UMODL1: variants seen among roughly 807,000 people sequenced by gnomAD.
UMODL1 encodes the protein uromodulin-like 1.
A neutral mutation model predicts 136.3 loss-of-function variants in UMODL1; 128 were observed. That is an observed-to-expected ratio of 0.94 (90% CI 0.81 to 1.09). UMODL1 has a LOEUF of 1.09. UMODL1 is among the 50% of genes least tolerant of loss of function. The pLI, the probability that UMODL1 is intolerant of heterozygous loss-of-function variation, is 0.00. For missense variants in UMODL1, 1,766 were observed against 1,725.6 expected (o/e 1.02, Z -0.41); for synonymous variants, 721 against 720.0 (o/e 1.00, Z -0.02).
chr21:42,111,432 C>G, intron 11 of UMODL1, 74 bp from the exon 12 acceptor site: 1 of 1,613,770 alleles, frequency 6.2e-7, no homozygotes, highest in Non-Finnish European at 8.5e-7. Flanking sequence ...ACCACCTCCT[C>G]CCCGAAGGCT....
chr21:42,111,986 A>G (rs759216870), intron 12 of UMODL1, among the ~76,000 whole-genome samples: 4 of 152,052 alleles, frequency 2.6e-5, no homozygotes, highest in Non-Finnish European at 5.9e-5. Context: ...TGCCTTCAGG[A>G]GCAGGCTTTG....
At position 42,091,156 on chromosome 21, in the gene UMODL1, G is replaced by A. The variant is rs796374124; in HGVS notation, c.931+718G>A. On this transcript the variant is annotated intron_variant, in intron 6 of 22. Transcript: ENST00000408910. Reference sequence around the variant, plus strand: ...TGGCTTAGGAAATGTTGATTTAGGTGCTATTCACTGTGCTAGGTGCTGGTA... The same window carrying A: ...TGGCTTAGGAAATGTTGATTTAGGTACTATTCACTGTGCTAGGTGCTGGTA... 5.9e-5 allele frequency among the ~76,000 whole-genome samples: 9 copies of A among 152,314 alleles called. 1 individual carries two copies. The highest frequency in any genetic ancestry group is 1.9e-4 in the East Asian group (1 of 5,180).
At chr21:42,133,927 T>TGTTTC (rs1284077598) in intron 21 of UMODL1, among the ~76,000 whole-genome samples, 1 of 151,296 alleles carries the variant, frequency 6.6e-6, no homozygotes, top group East Asian at 1.9e-4. Context: ...TGTTTCGTTT[T>TGTTTC]GTTTTGTTTG....
intron 9 of UMODL1, among the ~76,000 whole-genome samples, chr21:42,106,819 C>T (rs1222121356): frequency 6.6e-6 from 1 of 152,242 alleles, no homozygotes; most frequent in Non-Finnish European, 1.5e-5. Flanking sequence ...AAATGACTTC[C>T]TCTCCCTGGG....
intron 2 of UMODL1, among the ~76,000 whole-genome samples, chr21:42,081,747 T>G (rs752988300): frequency 6.6e-6 from 1 of 152,324 alleles, no homozygotes; most frequent in Non-Finnish European, 1.5e-5. Flanking sequence ...CTCTCGGGAC[T>G]ACTTGTCCTA....
chr21:42,074,756 G>A (rs943617890), intron 1 of UMODL1, among the ~76,000 whole-genome samples: 55 of 152,136 alleles, frequency 3.6e-4, no homozygotes, highest in African/African-American at 1.2e-3. Context: ...ATGGAGTCTC[G>A]CTCTGTCACC....
In UMODL1 at chr21:42,103,907, C is replaced by G. The variant is rs776622476; in HGVS notation, c.1339C>G (p.Arg447Gly). 1 of 1,613,972 alleles carries G rather than the reference C, an allele frequency of 6.2e-7. No homozygotes were observed. The highest frequency in any genetic ancestry group is 1.7e-5 in the Admixed American group (1 of 59,998). Residue 447 changes from arginine to glycine, a missense_variant, in exon 9 of 23, where the codon CGA (arginine) becomes GGA (glycine). Transcript: ENST00000408910. ...CCCACCAGTGGTGTCTGACTTGTACCGAAGTGGGAAGCTGAGAATGCAGAT... is the reference window on the plus strand; with the variant it reads ...CCCACCAGTGGTGTCTGACTTGTACGGAAGTGGGAAGCTGAGAATGCAGAT... ...SFPPVVSDLY[R>G]SGKLRMQIVS...
chr21:42,091,798 G>A (rs1020435891), intron 6 of UMODL1, among the ~76,000 whole-genome samples: 6 of 152,230 alleles, frequency 3.9e-5, no homozygotes, highest in African/African-American at 1.4e-4. Flanking sequence ...TGGACGCGTG[G>A]TGCTGGAGCA....
upstream of UMODL1, among the ~76,000 whole-genome samples, chr21:42,070,939 C>T (rs749832048): frequency 5.3e-5 from 8 of 152,200 alleles, no homozygotes; most frequent in Non-Finnish European, 8.8e-5. Context: ...AGAGAATACT[C>T]CGTGTTGATG....
intron 4 of UMODL1, among the ~76,000 whole-genome samples, chr21:42,088,088 CT>C (rs1478148472): frequency 6.6e-6 from 1 of 152,218 alleles, no homozygotes; most frequent in Non-Finnish European, 1.5e-5. Flanking sequence ...CTTATCACAA[CT>C]GGTACTGAAA....
chr21:42,073,313 A>C (rs2066252955), intron 1 of UMODL1, among the ~76,000 whole-genome samples: 1 of 152,186 alleles, frequency 6.6e-6, no homozygotes, highest in Non-Finnish European at 1.5e-5. Context: ...TTCTTCATGC[A>C]AGTCACCTCT....
At position 42,129,737 on chromosome 21, in the gene UMODL1, C is replaced by G; in HGVS notation, c.3715C>G (p.Gln1239Glu). ...GAATTGCAATAACTTTCGGTTGCTGCAAAATAGTGAAACCTCTGCCACACA... is the reference window on the plus strand; with the variant it reads ...GAATTGCAATAACTTTCGGTTGCTGGAAAATAGTGAAACCTCTGCCACACA... The part of the protein sequence containing the change: ...KINCNNFRLL[Q>E]NSETSATHQM... The change falls in exon 21 of 23, where the codon CAA (glutamine) becomes GAA (glutamate). Residue 1239 changes from glutamine to glutamate, a missense_variant. Gln to Glu is a conservative substitution (Grantham distance 29). Transcript: ENST00000408910. The G allele has an allele frequency of 6.3e-7, 1 of 1,584,690 alleles. No homozygotes were observed. Among genetic ancestry groups the G allele is most frequent in the Non-Finnish European group, 8.6e-7 (1 of 1,169,516 alleles).
In UMODL1 at chr21:42,099,840, C is replaced by A. The variant is rs1051168474; in HGVS notation, c.1186+660C>A. Among the ~76,000 whole-genome samples the A allele has an allele frequency of 6.6e-6, 1 of 152,158 alleles. No homozygotes were observed. The highest frequency in any genetic ancestry group is 2.4e-5 in the African/African-American group (1 of 41,422). ...GGACCACAGGCACACACCACCACACCAGGCTAAATTTTTTATTTTTCATAA... is the reference window on the plus strand; with the variant it reads ...GGACCACAGGCACACACCACCACACAAGGCTAAATTTTTTATTTTTCATAA... On this transcript the variant is annotated intron_variant, in intron 7 of 22. Coordinates refer to ENST00000408910, the MANE Select transcript of UMODL1 (RefSeq NM_001004416.3). The surrounding 1 kb of genome is among the most constrained non-coding windows in gnomAD (Gnocchi z 4.1).
Position 42,129,810 on chromosome 21 carries a change from C to G in UMODL1, c.3775+13C>G. 1 of 1,551,150 alleles carries G rather than the reference C, an allele frequency of 6.4e-7. No individual in the cohort carries two copies. The highest frequency in any genetic ancestry group is 8.7e-7 in the Non-Finnish European group (1 of 1,154,330). ...ATCCGGTCTGAAGGTGAGTTGATGA[C>G]TTGGTTTAGACAATGAAAGAAAAGA... On this transcript the variant is annotated intron_variant, in intron 21 of 22. Transcript: ENST00000408910.
intron 20 of UMODL1, among the ~76,000 whole-genome samples, chr21:42,128,701 C>T (rs1487668346): frequency 2.0e-5 from 3 of 152,210 alleles, no homozygotes; most frequent in Non-Finnish European, 4.4e-5. Context: ...TCCACTGGAG[C>T]CTCAGAGATG....
At chr21:42,116,172 C>CAAAAAA (rs56162491) in intron 14 of UMODL1, among the ~76,000 whole-genome samples, 187 bp downstream of exon 14, 20 of 75,040 alleles carry the variant, frequency 2.7e-4, no homozygotes, top group Admixed American at 1.1e-3. Context: ...CCATCTCCAC[C>CAAAAAA]AAAAAAAAAA....
rs55726630 is a variant in UMODL1, at chr21:42,138,578, A to AT, written c.*21+951dup. Among the ~76,000 whole-genome samples the AT allele has an allele frequency of 1.4e-3, 211 of 146,560 alleles. 1 individual carries two copies. Among genetic ancestry groups the AT allele is most frequent in the African/African-American group, 1.7e-3 (67 of 40,048 alleles). ...CTGGGACTTTTGTAAAGATTTTCAG[A>AT]TTTTTTTTTTTTTTGAGATGGAGTT... On this transcript the variant is annotated intron_variant, in intron 22 of 22. Coordinates refer to ENST00000408910, the MANE Select transcript of UMODL1 (RefSeq NM_001004416.3).
intron 9 of UMODL1, among the ~76,000 whole-genome samples, chr21:42,109,124 AC>A (rs66691811): frequency 0.24 from 21,075 of 88,770 alleles, 4,804 homozygotes; most frequent in African/African-American, 0.32. Context: ...ACTCCGCTGG[AC>A]CCCCACCCCC....
chr21:42,081,608 G>T (rs1486157525), intron 2 of UMODL1, among the ~76,000 whole-genome samples: 2 of 152,106 alleles, frequency 1.3e-5, no homozygotes, highest in African/African-American at 4.8e-5. Flanking sequence ...GCCAGTTTTG[G>T]GGGGATTGTT....
Sources: gnomAD v4.1 joint callset for allele counts (sites outside exome capture counted in the v4.1 genomes callset) on GRCh38, gnomAD v4.1.1 for gene constraint, Gnocchi (gnomAD v3.1) non-coding constraint, MANE v1.5 for transcripts, NCBI Gene and HGNC (gene_info 2026-07-23, HGNC 2026-07-21) for gene names.